MFSD6: variants seen among roughly 807,000 people sequenced by gnomAD.
MFSD6 encodes major facilitator superfamily domain containing 6, also known as major facilitator superfamily domain-containing protein 6.
In MFSD6, 26 loss-of-function variants were observed where a neutral mutation model predicts 56.3. That is an observed-to-expected ratio of 0.46 (90% CI 0.34 to 0.64). MFSD6 has a LOEUF of 0.64. MFSD6 is among the 30% of genes least tolerant of loss of function. The pLI is 0.01. For synonymous variants in MFSD6, 331 were observed against 366.9 expected, an observed-to-expected ratio of 0.90 and a Z score of 1.12; for missense variants, 750 against 986.2, an observed-to-expected ratio of 0.76 and a Z score of 3.21.
Position 190,415,484 on chromosome 2 carries a change from G to A in MFSD6, c.-54+71G>A, listed in dbSNP as rs1023759274. Reference sequence around the variant, plus strand: ...GGGATCTTGCTTTGTTGCCCATGCTGGTCTTAAACTCCTGGCTTCAAGTGA... The same window carrying A: ...GGGATCTTGCTTTGTTGCCCATGCTAGTCTTAAACTCCTGGCTTCAAGTGA... On this transcript the variant is annotated intron_variant, in intron 2 of 7. Transcript: ENST00000392328. The surrounding 1 kb of genome is among the most constrained non-coding windows in gnomAD (Gnocchi z 4.5). 3.3e-5 allele frequency: 5 copies of A among 151,980 alleles called. No homozygotes were observed. Among genetic ancestry groups the A allele is most frequent in the African/African-American group, 1.2e-4 (5 of 41,382 alleles). 9.4% of individuals were successfully genotyped at this position (151,980 alleles called of 1,614,324 possible). A position where few individuals can be genotyped will look rare whatever the true frequency, so the allele number is the denominator to read the frequency against.
At chr2:190,479,796 G>A (rs138042028) in intron 4 of MFSD6, among the ~76,000 whole-genome samples, 317 of 152,256 alleles carry the variant, frequency 2.1e-3, no homozygotes, top group Non-Finnish European at 3.6e-3. Flanking sequence ...CGAGGTCTGG[G>A]TCAGCTCTCT....
At chr2:190,432,068 T>G (rs1686022897) in intron 2 of MFSD6, among the ~76,000 whole-genome samples, 1 of 152,230 alleles carries the variant, frequency 6.6e-6, no homozygotes, top group Admixed American at 6.5e-5. Flanking sequence ...TCCTCAAATG[T>G]CTTATAATCC....
Position 190,426,488 on chromosome 2 carries a change from A to G in MFSD6, c.-53-9489A>G, listed in dbSNP as rs1685788853. On this transcript the variant is annotated intron_variant, in intron 2 of 7. Transcript: ENST00000392328. The surrounding 1 kb of genome is among the most constrained non-coding windows in gnomAD (Gnocchi z 4.7). ...GCATTTTTAGGATGGCTTTTTAAAA[A>G]TATTTTAAATTCAGGGGGTACAATG... 6.6e-6 allele frequency among the ~76,000 whole-genome samples: 1 copy of G among 152,178 alleles called. No individual in the cohort carries two copies. The highest frequency in any genetic ancestry group is 2.4e-5 in the African/African-American group (1 of 41,436).
At position 190,467,274 on chromosome 2, in the gene MFSD6, C is replaced by T. The variant is rs1380871333; in HGVS notation, c.1533-2484C>T. ...TCTTTATTGAGATAGGTGTGGGCCT[C>T]GGCATCTGTAGTTGTAAACAGTTAC... On this transcript the variant is annotated intron_variant, in intron 3 of 7. Coordinates refer to ENST00000392328, the MANE Select transcript of MFSD6 (RefSeq NM_017694.4). The surrounding 1 kb of genome is among the most constrained non-coding windows in gnomAD (Gnocchi z 5.5). Among the ~76,000 whole-genome samples, 2 of 152,100 alleles carry T rather than the reference C, an allele frequency of 1.3e-5. No homozygotes were observed. The highest frequency in any genetic ancestry group is 2.4e-5 in the African/African-American group (1 of 41,410).
In MFSD6 at chr2:190,490,807, G is replaced by A. The variant is rs79799571; in HGVS notation, c.1891+941G>A. Among the ~76,000 whole-genome samples the A allele has an allele frequency of 0.043, 6,553 of 152,262 alleles. 244 individuals carry two copies. The highest frequency in any genetic ancestry group is 0.15 in the Middle Eastern group (43 of 294). On this transcript the variant is annotated intron_variant, in intron 6 of 7. Coordinates refer to ENST00000392328, the MANE Select transcript of MFSD6 (RefSeq NM_017694.4). This position sits in a 1 kb window ranked among gnomAD's most constrained non-coding sequence, Gnocchi z 4.5. ...CTTCTTTGGGTGTCCTATCCTTTGC[G>A]GAGCATTAGCCTCAGGCCCCTGAAA...
rs1400026229 is a variant in MFSD6 at position 190,423,183 on chromosome 2, A to G, written c.-54+7770A>G. Among the ~76,000 whole-genome samples, 2 of 152,194 alleles carry G rather than the reference A, an allele frequency of 1.3e-5. No homozygotes were observed. Among genetic ancestry groups the G allele is most frequent in the Non-Finnish European group, 2.9e-5 (2 of 68,038 alleles). ...TGATAACATCTTGCAAAACTATAGC[A>G]TAATAGCACCATTGACATTGAGGCA... On this transcript the variant is annotated intron_variant, in intron 2 of 7. Transcript: ENST00000392328. The surrounding 1 kb of genome is among the most constrained non-coding windows in gnomAD (Gnocchi z 4.3).
At chr2:190,448,062 G>T (rs895691650) in intron 3 of MFSD6, among the ~76,000 whole-genome samples, 6 of 152,144 alleles carry the variant, frequency 3.9e-5, no homozygotes, top group Non-Finnish European at 5.9e-5. Flanking sequence ...GTTGATTGAG[G>T]TACTTGCTGA....
chr2:190,443,925 G>A lies in MFSD6; in HGVS notation c.1532+6364G>A, dbSNP rs938800085. ...ACATTAGCTGGGCATGGTGTCACAC[G>A]CCTGTAGTCCCAGTTACTTGGGAGC... On this transcript the variant is annotated intron_variant, in intron 3 of 7. Coordinates refer to ENST00000392328, the MANE Select transcript of MFSD6 (RefSeq NM_017694.4). This position sits in a 1 kb window ranked among gnomAD's most constrained non-coding sequence, Gnocchi z 4.2. Among the ~76,000 whole-genome samples, 2 of 152,092 alleles carry A rather than the reference G, an allele frequency of 1.3e-5. No homozygotes were observed. Among genetic ancestry groups the A allele is most frequent in the African/African-American group, 2.4e-5 (1 of 41,400 alleles).
rs2125271523 is a variant in MFSD6, at chr2:190,497,506, G to C, written c.1959G>C (p.Leu653Phe). ...SSPVPIATID[L>F]VQQQTEDVMP... ...CCGTTCCTATAGCAACCATCGACTT[G>C]GTACAGCAACAGACAGAAGATGTCA... Residue 653 changes from leucine (L) to phenylalanine (F), a missense_variant, in exon 7 of 8, where the codon TTG becomes TTC. Physicochemically the swap from Leu to Phe is conservative, Grantham distance 22. This residue lies in a region of MFSD6 where 172 missense variants were observed against 203.9 expected (regional missense o/e 0.84). Transcript: ENST00000392328. The surrounding 1 kb of genome is among the most constrained non-coding windows in gnomAD (Gnocchi z 5.2). 6.2e-7 allele frequency: 1 copy of C among 1,614,124 alleles called. No homozygotes were observed. Among genetic ancestry groups the C allele is most frequent in the East Asian group, 2.2e-5 (1 of 44,890 alleles).
rs1471135116 is a variant in MFSD6, at chr2:190,457,023, C to T, written c.1533-12735C>T. ...ACGTTCATCCAGCTTCCTTAATCCG[C>T]GCGCACAGCTGAGTTCAGAAGTCCA... On this transcript the variant is annotated intron_variant, in intron 3 of 7. Coordinates refer to ENST00000392328, the MANE Select transcript of MFSD6 (RefSeq NM_017694.4). This position sits in a 1 kb window ranked among gnomAD's most constrained non-coding sequence, Gnocchi z 5.1. Among the ~76,000 whole-genome samples the T allele has an allele frequency of 2.6e-5, 4 of 152,178 alleles. No homozygotes were observed. Among genetic ancestry groups the T allele is most frequent in the Non-Finnish European group, 4.4e-5 (3 of 68,038 alleles).
At chr2:190,409,073 GA>G (rs939520776) in intron 1 of MFSD6, among the ~76,000 whole-genome samples, 5 of 151,240 alleles carry the variant, frequency 3.3e-5, no homozygotes, top group East Asian at 1.9e-4. Context: ...AATAAATACG[GA>G]AAAAAAAATA....
In MFSD6 at chr2:190,494,593, A is replaced by G. The variant is rs1689556380; in HGVS notation, c.1892-2846A>G. On this transcript the variant is annotated intron_variant, in intron 6 of 7. Transcript: ENST00000392328. The surrounding 1 kb of genome is among the most constrained non-coding windows in gnomAD (Gnocchi z 5.7). ...ATCCCTGATGAACATCAATGCAAAA[A>G]TCCTTAACAAAATACTAGCTAATCG... Among the ~76,000 whole-genome samples the G allele has an allele frequency of 6.6e-6, 1 of 152,186 alleles. No individual in the cohort carries two copies. Among genetic ancestry groups the G allele is most frequent in the South Asian group, 2.1e-4 (1 of 4,824 alleles).
intron 2 of MFSD6, among the ~76,000 whole-genome samples, chr2:190,427,023 G>C (rs1685803443): frequency 6.6e-6 from 1 of 152,154 alleles, no homozygotes; most frequent in African/African-American, 2.4e-5. Flanking sequence ...CTCCCCAGTA[G>C]GCCTCCTCAC....
At chr2:190,483,319 A>C (rs1688808209) in intron 4 of MFSD6, among the ~76,000 whole-genome samples, 3 of 152,224 alleles carry the variant, frequency 2.0e-5, no homozygotes, top group African/African-American at 7.2e-5. Context: ...ATAGTGTAAT[A>C]TTTAAGCACC....
At chr2:190,450,854 A>G (rs1686753776) in intron 3 of MFSD6, among the ~76,000 whole-genome samples, 2 of 152,204 alleles carry the variant, frequency 1.3e-5, no homozygotes, top group African/African-American at 4.8e-5. Context: ...CATTATTGAA[A>G]AGAAGAATAA....
rs1280739320 is a variant in MFSD6 at position 190,498,822 on chromosome 2, G to A, written c.2172+1103G>A. On this transcript the variant is annotated intron_variant, in intron 7 of 7. Transcript: ENST00000392328. This position sits in a 1 kb window ranked among gnomAD's most constrained non-coding sequence, Gnocchi z 5.9. ...ACAGAAGCCACATAAAATTTTTGAT[G>A]TGGCGCTTTTTTTCTGGTATGTTAG... Among the ~76,000 whole-genome samples, 2 of 152,118 alleles carry A rather than the reference G, an allele frequency of 1.3e-5. No individual in the cohort carries two copies. The highest frequency in any genetic ancestry group is 2.9e-5 in the Non-Finnish European group (2 of 68,018).
chr2:190,413,804 C>T lies in MFSD6; in HGVS notation c.-175-1488C>T, dbSNP rs1405867639. Among the ~76,000 whole-genome samples, 1 of 152,110 alleles carries T rather than the reference C, an allele frequency of 6.6e-6. No individual in the cohort carries two copies. Among genetic ancestry groups the T allele is most frequent in the Non-Finnish European group, 1.5e-5 (1 of 68,030 alleles). ...CTGCTCTCTCTGAGCTCCAATAAAC[C>T]AATGTACCATGAGCCCTGCTATACT... is the stretch of plus-strand genomic sequence containing the variant. On this transcript the variant is annotated intron_variant, in intron 1 of 7. Transcript: ENST00000392328. This position sits in a 1 kb window ranked among gnomAD's most constrained non-coding sequence, Gnocchi z 4.1.
chr2:190,438,579 A>G lies in MFSD6; in HGVS notation c.1532+1018A>G, dbSNP rs1255396854. Among the ~76,000 whole-genome samples, 1 of 152,134 alleles carries G rather than the reference A, an allele frequency of 6.6e-6. No individual in the cohort carries two copies. Among genetic ancestry groups the G allele is most frequent in the Admixed American group, 6.6e-5 (1 of 15,260 alleles). On this transcript the variant is annotated intron_variant, in intron 3 of 7. Transcript: ENST00000392328. The surrounding 1 kb of genome is among the most constrained non-coding windows in gnomAD (Gnocchi z 5.2). ...TTGTGTACTATTTCTTCTCACCATT[A>G]ATGTGCACCTTGCTCTTTAGAGATC...
chr2:190,432,268 C>T (rs868772954), intron 2 of MFSD6, among the ~76,000 whole-genome samples: 3 of 152,214 alleles, frequency 2.0e-5, no homozygotes, highest in African/African-American at 4.8e-5. Flanking sequence ...TTGCCAGCCT[C>T]TGGGAACCTC....
Sources: allele counts gnomAD v4.1 joint callset (sites outside exome capture counted in the v4.1 genomes callset), GRCh38; gene constraint gnomAD v4.1.1; regional missense constraint gnomAD v4.1.1; non-coding constraint Gnocchi (gnomAD v3.1); transcripts MANE v1.5; gene names NCBI Gene and HGNC (gene_info 2026-07-23, HGNC 2026-07-21).